Variants in OTUB1 observed in about 807,000 individuals in gnomAD.
OTUB1 encodes the protein OTU deubiquitinase, ubiquitin aldehyde binding 1.
A neutral mutation model predicts 35.8 loss-of-function variants in OTUB1; 10 were observed. The ratio of observed to expected loss-of-function variants is 0.28; its 90% CI spans 0.17 to 0.47. OTUB1 has a LOEUF of 0.47. OTUB1 is among the 20% of genes least tolerant of loss of function. The pLI is 0.99. For missense variants in OTUB1, 264 were observed against 351.6 expected, an observed-to-expected ratio of 0.75 and a Z score of 1.99; for synonymous variants, 158 against 143.8, an observed-to-expected ratio of 1.10 and a Z score of -0.71.
chr11:63,988,515 C>G, intron 2 of OTUB1, 117 bp downstream of exon 2: 1 of 1,271,322 alleles, frequency 7.9e-7, no homozygotes, highest in South Asian at 1.2e-5. Context: ...CCTCCCTAGG[C>G]TATGCTAGGT....
At chr11:63,995,134 A>G (rs1475028308) in intron 3 of OTUB1, among the ~76,000 whole-genome samples, 3 of 151,994 alleles carry the variant, frequency 2.0e-5, no homozygotes, top group Admixed American at 2.0e-4. Context: ...TCCTGGGCCC[A>G]CACAGTCCTC....
At chr11:63,993,002 T>G (rs7942318) in intron 3 of OTUB1, among the ~76,000 whole-genome samples, 74,395 of 152,192 alleles carry the variant, frequency 0.49, 19,777 homozygotes, top group African/African-American at 0.7. Flanking sequence ...GGCCATTCTC[T>G]TGCTGGGGTG....
In OTUB1 at chr11:63,998,026, C is replaced by G; in HGVS notation, c.*480C>G. ...CTGGGCCCCAGACCCCAGCTTCCTG[C>G]CCTCCACCGGGAGTCTGCATGGTTG... On this transcript the variant is annotated 3_prime_UTR_variant, in exon 7 of 7. Transcript: ENST00000538426. 1.9e-6 allele frequency: 1 copy of G among 513,452 alleles called. No homozygotes were observed. Among genetic ancestry groups the G allele is most frequent in the Non-Finnish European group, 3.5e-6 (1 of 286,408 alleles). The allele number at this position is 513,452 out of a possible 1,614,324, so 31.8% of individuals were successfully genotyped here.
chr11:63,997,615 T>A lies in OTUB1; in HGVS notation c.*69T>A. On this transcript the variant is annotated 3_prime_UTR_variant, in exon 7 of 7. Coordinates refer to ENST00000538426, the MANE Select transcript of OTUB1 (RefSeq NM_017670.3). ...GGCGCTAGACATGTACAGAGGTTTT[T>A]CTGTGGTTGTAAATGGTCCTATTTC... is the stretch of plus-strand genomic sequence containing the variant. 2.2e-6 allele frequency: 3 copies of A among 1,388,900 alleles called. No homozygotes were observed. The highest frequency in any genetic ancestry group is 3.1e-6 in the Non-Finnish European group (3 of 980,576). The allele number at this position is 1,388,900 out of a possible 1,614,324, so 86.0% of individuals were successfully genotyped here. A position where few individuals can be genotyped will look rare whatever the true frequency, so the allele number is the denominator to read the frequency against.
In OTUB1 at chr11:63,997,095, G is replaced by T. The variant is rs36006687; in HGVS notation, c.469G>T (p.Asp157Tyr). Reference sequence around the variant, plus strand: ...GGTGGAGAAGCAGACCTCTGTCGCCGACCTGCTGGCCTCCTTCAATGACCA... The same window carrying T: ...GGTGGAGAAGCAGACCTCTGTCGCCTACCTGCTGGCCTCCTTCAATGACCA... ...EQVEKQTSVA[D>Y]LLASFNDQST... Residue 157 changes from aspartate (D) to tyrosine (Y), a missense_variant, in exon 6 of 7, where the codon GAC (aspartate) becomes TAC (tyrosine). This residue lies in a region of OTUB1 where 214 missense variants were observed against 317.1 expected (regional missense o/e 0.67). Transcript: ENST00000538426. 1.9e-6 allele frequency: 3 copies of T among 1,614,056 alleles called. No homozygotes were observed. Among genetic ancestry groups the T allele is most frequent in the Non-Finnish European group, 2.5e-6 (3 of 1,180,026 alleles).
chr11:63,986,628 G>A, intron 1 of OTUB1, 114 bp downstream of exon 1: 1 of 864,684 alleles, frequency 1.2e-6, no homozygotes, highest in South Asian at 1.8e-5. Context: ...AGGTGCGCGA[G>A]GGGTCCCTTC....
intron 1 of OTUB1, among the ~76,000 whole-genome samples, chr11:63,987,254 G>T (rs193130492): frequency 6.6e-6 from 1 of 152,314 alleles, no homozygotes; most frequent in East Asian, 1.9e-4. Context: ...CAAGAATTTG[G>T]GATGGCGAGC....
intron 1 of OTUB1, chr11:63,987,149 A>G (rs1942629194): frequency 6.6e-6 from 1 of 152,182 alleles, no homozygotes. Flanking sequence ...TTTCCCGCCT[A>G]TGAGTTGGGC....
At chr11:63,995,476 G>A (rs572737271) in intron 3 of OTUB1, among the ~76,000 whole-genome samples, 9 of 152,220 alleles carry the variant, frequency 5.9e-5, no homozygotes, top group Middle Eastern at 6.8e-3. Flanking sequence ...GATTACAAGC[G>A]TGAGCCATCG....
In OTUB1 at chr11:63,986,443, G is replaced by T. The variant is rs1279781525; in HGVS notation, c.-14G>T. Reference sequence around the variant, plus strand: ...GCAACCCGGAAGCGGTCGGTAGTGCGGCGCTGTTTAAAGATGGCGGCGGAG... The same window carrying T: ...GCAACCCGGAAGCGGTCGGTAGTGCTGCGCTGTTTAAAGATGGCGGCGGAG... On this transcript the variant is annotated 5_prime_UTR_variant, in exon 1 of 7. Transcript: ENST00000538426. The T allele has an allele frequency of 2.2e-5, 34 of 1,553,074 alleles. No individual in the cohort carries two copies. The highest frequency in any genetic ancestry group is 2.9e-5 in the Non-Finnish European group (33 of 1,148,312).
intron 3 of OTUB1, among the ~76,000 whole-genome samples, chr11:63,994,614 A>G (rs1217155387): frequency 2.0e-5 from 3 of 152,232 alleles, no homozygotes; most frequent in African/African-American, 7.2e-5. Context: ...GTTTGGTGGC[A>G]TCCCTGACCC....
At chr11:63,991,514 T>C (rs1459798723) in intron 3 of OTUB1, among the ~76,000 whole-genome samples, 1 of 152,236 alleles carries the variant, frequency 6.6e-6, no homozygotes, top group Non-Finnish European at 1.5e-5. Context: ...TTCTGTATGC[T>C]GTGCCTGAGC....
At chr11:63,992,936 T>C (rs1038690013) in intron 3 of OTUB1, among the ~76,000 whole-genome samples, 2 of 152,210 alleles carry the variant, frequency 1.3e-5, no homozygotes, top group African/African-American at 2.4e-5. Context: ...TCCACCCACT[T>C]TGGCCTCCCA....
chr11:63,997,780 T>C lies in OTUB1; in HGVS notation c.*234T>C. 1 of 700,538 alleles carries C rather than the reference T, an allele frequency of 1.4e-6. No individual in the cohort carries two copies. The allele number at this position is 700,538 out of a possible 1,614,324, so 43.4% of individuals were successfully genotyped here. On this transcript the variant is annotated 3_prime_UTR_variant, in exon 7 of 7. Transcript: ENST00000538426. ...CCCCCTCCCCCCAGGTGGGTCCCCCTGCTTTTCACCTATCTACTCCTGAGC... is the reference window on the plus strand; with the variant it reads ...CCCCCTCCCCCCAGGTGGGTCCCCCCGCTTTTCACCTATCTACTCCTGAGC...
intron 3 of OTUB1, among the ~76,000 whole-genome samples, chr11:63,995,508 T>G (rs752379423): frequency 2.0e-5 from 3 of 152,080 alleles, no homozygotes; most frequent in African/African-American, 7.2e-5. Flanking sequence ...TTATTTTTTT[T>G]AGAGAGACGG....
Position 63,996,578 on chromosome 11 carries a change from A to C in OTUB1, c.268A>C (p.Asn90His). The C allele has an allele frequency of 6.2e-7, 1 of 1,614,180 alleles. No homozygotes were observed. Among genetic ancestry groups the C allele is most frequent in the Non-Finnish European group, 8.5e-7 (1 of 1,180,028 alleles). ...SYIRKTRPDG[N>H]CFYRAFGFSH... is the part of the protein sequence containing the mutation. ...CATCCGCAAGACCAGGCCTGACGGCAACTGTTTCTATCGGGCTTTCGGATT... is the reference window on the plus strand; with the variant it reads ...CATCCGCAAGACCAGGCCTGACGGCCACTGTTTCTATCGGGCTTTCGGATT... Residue 90 changes from asparagine (N) to histidine (H), a missense_variant, in exon 4 of 7, where the codon AAC becomes CAC. Physicochemically the swap from Asn to His is moderately conservative, Grantham distance 68. This residue lies in a region of OTUB1 where 214 missense variants were observed against 317.1 expected (regional missense o/e 0.67). Coordinates refer to ENST00000538426, the MANE Select transcript of OTUB1 (RefSeq NM_017670.3).
Position 63,986,446 on chromosome 11 carries a change from G to A in OTUB1, c.-11G>A. 1 of 1,553,524 alleles carries A rather than the reference G, an allele frequency of 6.4e-7. No homozygotes were observed. Among genetic ancestry groups the A allele is most frequent in the Non-Finnish European group, 8.7e-7 (1 of 1,148,502 alleles). ...ACCCGGAAGCGGTCGGTAGTGCGGC[G>A]CTGTTTAAAGATGGCGGCGGAGGAA... On this transcript the variant is annotated 5_prime_UTR_variant, in exon 1 of 7. Coordinates refer to ENST00000538426, the MANE Select transcript of OTUB1 (RefSeq NM_017670.3).
Position 63,997,713 on chromosome 11 carries a change from C to T in OTUB1, c.*167C>T, listed in dbSNP as rs577996825. On this transcript the variant is annotated 3_prime_UTR_variant, in exon 7 of 7. Transcript: ENST00000538426. ...GGGTGCTGGTGGTGAGCCGTGTGTG[C>T]GTGTCCCTGCTCTGCTGCCCGCCTG... 23 of 715,224 alleles carry T rather than the reference C, an allele frequency of 3.2e-5. No homozygotes were observed. Among genetic ancestry groups the T allele is most frequent in the Non-Finnish European group, 5.0e-5 (20 of 397,306 alleles). 44.3% of individuals were successfully genotyped at this position (715,224 alleles called of 1,614,324 possible).
Position 63,998,116 on chromosome 11 carries a change from C to T in OTUB1, c.*570C>T. On this transcript the variant is annotated 3_prime_UTR_variant, in exon 7 of 7. Transcript: ENST00000538426. ...GCTCAGGGCAGGTGGAGGAGCTGGG[C>T]CTCCCACAGGGTGCCCGGGCAGTGC... 3.0e-6 allele frequency: 1 copy of T among 330,750 alleles called. No individual in the cohort carries two copies. The highest frequency in any genetic ancestry group is 5.7e-6 in the Non-Finnish European group (1 of 176,030). 20.5% of individuals were successfully genotyped at this position (330,750 alleles called of 1,614,324 possible). A position where few individuals can be genotyped will look rare whatever the true frequency, so the allele number is the denominator to read the frequency against.
Sources: allele counts gnomAD v4.1 joint callset (sites outside exome capture counted in the v4.1 genomes callset), GRCh38; gene constraint gnomAD v4.1.1; regional missense constraint gnomAD v4.1.1; transcripts MANE v1.5; gene names NCBI Gene and HGNC (gene_info 2026-07-23, HGNC 2026-07-21).